The following SORBS2 variants were observed in gnomAD, a reference collection of about 807,000 sequenced individuals.
SORBS2 encodes the protein sorbin and SH3 domain-containing protein 2.
In SORBS2, 46 loss-of-function variants were observed where a neutral mutation model predicts 97.7. The ratio of observed to expected loss-of-function variants is 0.47; its 90% CI spans 0.37 to 0.60. The LOEUF (loss-of-function observed/expected upper bound fraction) is 0.60, where lower values mean the gene tolerates loss of function less well. Ranked by LOEUF, SORBS2 falls within the 20% of genes least tolerant of loss-of-function variation. SORBS2 has a pLI of 0.00. For missense variants in SORBS2, 1,316 were observed against 1,282.3 expected, an observed-to-expected ratio of 1.03 and a Z score of -0.40; for synonymous variants, 476 against 473.4, an observed-to-expected ratio of 1.01 and a Z score of -0.07.
intron 12 of SORBS2, among the ~76,000 whole-genome samples, chr4:185,595,992 A>G (rs1325637007): frequency 6.6e-6 from 1 of 152,192 alleles, no homozygotes; most frequent in African/African-American, 2.4e-5. Flanking sequence ...TGCATATCAT[A>G]TACCAAGATA....
chr4:185,817,499 T>C (rs912316183), intron 1 of SORBS2, among the ~76,000 whole-genome samples: 5 of 152,202 alleles, frequency 3.3e-5, no homozygotes, highest in Admixed American at 3.3e-4. Context: ...GGAGAGGCAC[T>C]CTGACCACAT....
intron 1 of SORBS2, among the ~76,000 whole-genome samples, chr4:185,825,297 G>C (rs568669385): frequency 6.6e-6 from 1 of 151,254 alleles, no homozygotes; most frequent in South Asian, 2.1e-4. Flanking sequence ...AGATTACCAT[G>C]TGCCAGGCAC....
At chr4:185,611,697 TA>T in intron 12 of SORBS2, 82 bp downstream of exon 24, 1 of 1,058,012 alleles carries the variant, frequency 9.5e-7, no homozygotes, top group Non-Finnish European at 1.4e-6. Flanking sequence ...TATGATATTC[TA>T]ATCTAATATC....
intron 1 of SORBS2, among the ~76,000 whole-genome samples, chr4:185,885,225 A>G (rs2149787428): frequency 6.6e-6 from 1 of 152,350 alleles, no homozygotes. Flanking sequence ...GGGATGGGAA[A>G]GTTAGCAAAT....
intron 2 of SORBS2, among the ~76,000 whole-genome samples, chr4:185,756,383 A>G (rs377559015): frequency 1.1e-5 from 1 of 92,350 alleles, no homozygotes; most frequent in Non-Finnish European, 3.1e-5. Flanking sequence ...TCAATTTGAT[A>G]AGGAGAATAT....
intron 1 of SORBS2, among the ~76,000 whole-genome samples, chr4:185,810,214 T>A (rs935451362): frequency 6.6e-6 from 1 of 152,278 alleles, no homozygotes; most frequent in Non-Finnish European, 1.5e-5. Flanking sequence ...ATTCTTAGTC[T>A]CTATCTTTAT....
intron 1 of SORBS2, among the ~76,000 whole-genome samples, chr4:185,838,562 C>T (rs2099209588): frequency 6.6e-6 from 1 of 152,206 alleles, no homozygotes; most frequent in African/African-American, 2.4e-5. Context: ...GGCCTCACTC[C>T]CATGTGACAC....
At chr4:185,800,904 G>T (rs1239848348) in intron 1 of SORBS2, among the ~76,000 whole-genome samples, 1 of 152,112 alleles carries the variant, frequency 6.6e-6, no homozygotes, top group Non-Finnish European at 1.5e-5. Context: ...TTTGTGGATG[G>T]TAAGAACATT....
At chr4:185,955,627 T>G (rs535526319) in intron 1 of SORBS2, among the ~76,000 whole-genome samples, 27 of 152,340 alleles carry the variant, frequency 1.8e-4, no homozygotes, top group African/African-American at 6.5e-4. Flanking sequence ...CGCTGATGAC[T>G]TTCGGACGAG....
intron 1 of SORBS2, among the ~76,000 whole-genome samples, chr4:185,923,951 A>T (rs2099262264): frequency 6.6e-6 from 1 of 152,198 alleles, no homozygotes; most frequent in African/African-American, 2.4e-5. Flanking sequence ...TCAATAAATG[A>T]CCATTCCTTT....
intron 1 of SORBS2, among the ~76,000 whole-genome samples, chr4:185,947,693 C>T (rs939850315): frequency 6.6e-6 from 1 of 152,200 alleles, no homozygotes; most frequent in African/African-American, 2.4e-5. Context: ...TTACTGCAAC[C>T]TCCGCCTCCT....
rs1160319469 is a variant in SORBS2 at position 185,721,084 on chromosome 4, C to CTT, written c.-197-42264_-197-42263dup. Among the ~76,000 whole-genome samples, 42 of 92,168 alleles carry CTT rather than the reference C, an allele frequency of 4.6e-4. 1 individual carries two copies. Among genetic ancestry groups the CTT allele is most frequent in the African/African-American group, 1.1e-3 (24 of 22,696 alleles). 60.5% of individuals were successfully genotyped at this position (92,168 alleles called of 152,430 possible). A position where few individuals can be genotyped will look rare whatever the true frequency, so the allele number is the denominator to read the frequency against. The stretch of plus-strand genomic sequence containing the variant: ...CCTAACTCCTGCTTTCCCACCTATT[C>CTT]TTTTTTTTTTTTTTTTTTTTTTGAG... On this transcript the variant is annotated intron_variant, in intron 2 of 20. Transcript: ENST00000284776.
At chr4:185,796,227 C>A (rs1048337190) in intron 1 of SORBS2, among the ~76,000 whole-genome samples, 1 of 152,190 alleles carries the variant, frequency 6.6e-6, no homozygotes, top group Non-Finnish European at 1.5e-5. Flanking sequence ...TTCTTGAATT[C>A]ATTCCCACCC....
At chr4:185,769,324 T>C (rs1195938884) in intron 2 of SORBS2, among the ~76,000 whole-genome samples, 1 of 152,200 alleles carries the variant, frequency 6.6e-6, no homozygotes, top group Non-Finnish European at 1.5e-5. Flanking sequence ...AAAATGAAGT[T>C]TGTGTACACT....
intron 4 of SORBS2, 107 bp downstream of exon 16, chr4:185,635,248 C>A: frequency 1.3e-6 from 1 of 784,604 alleles, no homozygotes; most frequent in East Asian, 2.7e-5. Context: ...GATATTTTTT[C>A]AAAAATAGCT....
chr4:185,948,083 C>T (rs960578555), intron 1 of SORBS2, among the ~76,000 whole-genome samples: 3 of 152,020 alleles, frequency 2.0e-5, no homozygotes, highest in Non-Finnish European at 2.9e-5. Context: ...GCTACTCTGG[C>T]TCGTTTCTGT....
At chr4:185,608,347 C>T (rs1371241136) in intron 12 of SORBS2, among the ~76,000 whole-genome samples, 2 of 152,144 alleles carry the variant, frequency 1.3e-5, no homozygotes, top group Non-Finnish European at 2.9e-5. Flanking sequence ...ATAACTACGG[C>T]TTCAAAGTTT....
chr4:185,784,224 C>T (rs960595629), intron 1 of SORBS2, among the ~76,000 whole-genome samples: 10 of 152,110 alleles, frequency 6.6e-5, no homozygotes, highest in South Asian at 2.1e-4. Flanking sequence ...CTCTGCCTCC[C>T]GGGTTCACAC....
chr4:185,667,716 A>ATG (rs2097640988), intron 4 of SORBS2, among the ~76,000 whole-genome samples: 1 of 146,154 alleles, frequency 6.8e-6, no homozygotes, highest in Non-Finnish European at 1.5e-5. Context: ...ACGTATATAT[A>ATG]TAATATATAT....
Sources: allele counts gnomAD v4.1 joint callset (sites outside exome capture counted in the v4.1 genomes callset), GRCh38; gene constraint gnomAD v4.1.1; transcripts MANE v1.5; gene names NCBI Gene and HGNC (gene_info 2026-07-23, HGNC 2026-07-21).